The following WDR45B variants were observed in gnomAD, a reference collection of about 807,000 sequenced individuals.
The protein encoded by WDR45B is WD repeat domain 45B, also known as WD repeat domain phosphoinositide-interacting protein 3.
Under a neutral mutation model 44.6 loss-of-function variants are expected in WDR45B, and 20 were observed. That is an observed-to-expected ratio of 0.45 (90% confidence interval 0.32 to 0.65). The LOEUF is 0.65. WDR45B is among the 30% of genes least tolerant of loss of function. WDR45B has a pLI of 0.05. For synonymous variants in WDR45B, 169 were observed against 164.9 expected (o/e 1.02, Z -0.19); for missense variants, 323 against 430.2 (o/e 0.75, Z 2.20).
rs780641887 is a variant in WDR45B at position 82,616,631 on chromosome 17, C to T, written c.821G>A (p.Ser274Asn). Residue 274 changes from serine to asparagine, a missense_variant, in exon 9 of 10, where the codon AGT (serine) becomes AAT (asparagine). By Grantham distance (46) the Ser-to-Asn change is conservative. Coordinates refer to ENST00000392325, the MANE Select transcript of WDR45B (RefSeq NM_019613.4). The stretch of plus-strand genomic sequence containing the variant: ...GGAACTGAAGTATTTTGGAAGGAAA[C>T]TGGCTGAGGCCAAACTGTGAAGACA... ...RNKQSSLASA[S>N]FLPKYFSSKW... 6.2e-7 allele frequency: 1 copy of T among 1,614,228 alleles called. No individual in the cohort carries two copies. Among genetic ancestry groups the T allele is most frequent in the Non-Finnish European group, 8.5e-7 (1 of 1,180,034 alleles).
chr17:82,644,936 G>A (rs140217739), intron 1 of WDR45B, among the ~76,000 whole-genome samples: 3,554 of 152,212 alleles, frequency 0.023, 145 homozygotes, highest in African/African-American at 0.081. Context: ...CGAGGTGGGC[G>A]GATCACCTGA....
chr17:82,625,310 C>T, intron 5 of WDR45B, 79 bp downstream of exon 5: 1 of 1,420,160 alleles, frequency 7.0e-7, no homozygotes, highest in Non-Finnish European at 1.0e-6. Context: ...CAGAGACCTG[C>T]TTGGAGAAGG....
intron 4 of WDR45B, chr17:82,626,951 G>C (rs889293250): frequency 1.1e-5 from 6 of 544,940 alleles, no homozygotes; most frequent in Non-Finnish European, 1.7e-5. Context: ...AGACCCACTG[G>C]CTGGTCCACT....
intron 2 of WDR45B, among the ~76,000 whole-genome samples, chr17:82,642,605 GTGGGGACTGGGGCAGTCT>G (rs2045931743): frequency 6.6e-6 from 1 of 152,222 alleles, no homozygotes; most frequent in African/African-American, 2.4e-5. Flanking sequence ...CTCATGCATG[GTGGGGACTGGGGCAGTCT>G]TGGGGACTGA....
At chr17:82,640,539 T>C (rs1455682217) in intron 2 of WDR45B, among the ~76,000 whole-genome samples, 2 of 151,956 alleles carry the variant, frequency 1.3e-5, no homozygotes, top group African/African-American at 4.8e-5. Flanking sequence ...TTAGTAGAGA[T>C]GGGGTTTCAC....
chr17:82,633,288 C>CT (rs1202801361), intron 2 of WDR45B, among the ~76,000 whole-genome samples: 2 of 151,962 alleles, frequency 1.3e-5, no homozygotes, highest in Non-Finnish European at 2.9e-5. Flanking sequence ...ATTTACAAAC[C>CT]ACACATCTGA....
intron 2 of WDR45B, among the ~76,000 whole-genome samples, chr17:82,631,929 A>G (rs1401377303): frequency 1.3e-5 from 2 of 151,828 alleles, no homozygotes; most frequent in East Asian, 3.9e-4. Flanking sequence ...CTACAAATAC[A>G]AAAATTAGCC....
At chr17:82,636,780 G>C (rs1015170366) in intron 2 of WDR45B, among the ~76,000 whole-genome samples, 2 of 151,808 alleles carry the variant, frequency 1.3e-5, no homozygotes, top group East Asian at 1.9e-4. Flanking sequence ...CCCGCTTCCC[G>C]TCAACTCTAA....
intron 2 of WDR45B, among the ~76,000 whole-genome samples, chr17:82,642,368 C>G (rs1267453573): frequency 6.6e-6 from 1 of 152,214 alleles, no homozygotes; most frequent in African/African-American, 2.4e-5. Flanking sequence ...GCCTGATGAT[C>G]TGAGTGGGAA....
At position 82,617,368 on chromosome 17, in the gene WDR45B, A is replaced by G; in HGVS notation, c.734T>C (p.Ile245Thr). ...TGTGCCGTGGTCGCTGGATACGCAG[A>G]TGAGGGACGCATCCTGATTGAAGTT... ...CINFNQDASLICVSSDHGTVH... is the reference protein window; with the variant it reads ...CINFNQDASLTCVSSDHGTVH... Residue 245 changes from isoleucine (I) to threonine (T), a missense_variant, in exon 8 of 10, where the codon ATC becomes ACC. Ile to Thr is a moderately conservative substitution (Grantham distance 89). Coordinates refer to ENST00000392325, the MANE Select transcript of WDR45B (RefSeq NM_019613.4). 6.2e-7 allele frequency: 1 copy of G among 1,614,160 alleles called. No homozygotes were observed. Among genetic ancestry groups the G allele is most frequent in the Non-Finnish European group, 8.5e-7 (1 of 1,180,010 alleles).
intron 4 of WDR45B, 94 bp from the exon 5 acceptor site, chr17:82,625,577 C>T (rs2045685044): frequency 5.9e-6 from 7 of 1,177,856 alleles, no homozygotes; most frequent in African/African-American, 1.5e-5. Flanking sequence ...CTGAGAAACA[C>T]TGAAAATACC....
At chr17:82,616,688 A>G in intron 8 of WDR45B, 43 bp from the exon 9 acceptor site, 1 of 1,608,062 alleles carries the variant, frequency 6.2e-7, no homozygotes, top group East Asian at 2.2e-5. Context: ...AGTTTACAGG[A>G]AAAAAAATCA....
At chr17:82,629,476 C>G (rs2045740826) in intron 3 of WDR45B, 1 of 984,708 alleles carries the variant, frequency 1.0e-6, no homozygotes, top group African/African-American at 1.7e-5. Flanking sequence ...CTCTGCCCCT[C>G]TGGGCTATGC....
At chr17:82,642,256 C>T (rs1400337846) in intron 2 of WDR45B, among the ~76,000 whole-genome samples, 3 of 152,262 alleles carry the variant, frequency 2.0e-5, no homozygotes, top group South Asian at 4.1e-4. Context: ...AGCTCTGCCC[C>T]GACAGATCAG....
At chr17:82,636,079 C>A (rs1333076906) in intron 2 of WDR45B, among the ~76,000 whole-genome samples, 1 of 150,764 alleles carries the variant, frequency 6.6e-6, no homozygotes, top group East Asian at 2.0e-4. Context: ...AAGAGTGAAA[C>A]TTCGTCTCTC....
At chr17:82,645,680 T>C (rs538433372) in intron 1 of WDR45B, among the ~76,000 whole-genome samples, 1 of 152,282 alleles carries the variant, frequency 6.6e-6, no homozygotes, top group South Asian at 2.1e-4. Flanking sequence ...GAACATATGG[T>C]CACTGAGAGA....
At position 82,614,927 on chromosome 17, in the gene WDR45B, A is replaced by AG. The variant is rs1474726744; in HGVS notation, c.*991dup. ...ATGTGCCTCTCCTTCCCAAAATGTT[A>AG]GTGTGTAGCTATTCTTACAAATGAG... is the stretch of plus-strand genomic sequence containing the variant. On this transcript the variant is annotated 3_prime_UTR_variant, in exon 10 of 10. Transcript: ENST00000392325. 1 of 152,186 alleles carries AG rather than the reference A, an allele frequency of 6.6e-6. No individual in the cohort carries two copies. The highest frequency in any genetic ancestry group is 1.5e-5 in the Non-Finnish European group (1 of 68,024). 9.4% of individuals were successfully genotyped at this position (152,186 alleles called of 1,614,324 possible). A position where few individuals can be genotyped will look rare whatever the true frequency, so the allele number is the denominator to read the frequency against.
chr17:82,636,519 A>G (rs368098671), intron 2 of WDR45B: 9 of 151,992 alleles, frequency 5.9e-5, no homozygotes, highest in African/African-American at 2.2e-4. Context: ...CACCTCCTGC[A>G]GCTGAAGAGG....
chr17:82,619,496 G>A (rs1048942097), intron 6 of WDR45B, among the ~76,000 whole-genome samples: 2 of 150,910 alleles, frequency 1.3e-5, no homozygotes, highest in African/African-American at 4.9e-5. Flanking sequence ...AGCACTGTCC[G>A]AATCCTAAGT....
Sources: allele counts gnomAD v4.1 joint callset (sites outside exome capture counted in the v4.1 genomes callset), GRCh38; gene constraint gnomAD v4.1.1; transcripts MANE v1.5; gene names NCBI Gene and HGNC (gene_info 2026-07-23, HGNC 2026-07-21).